SCFD2: variants seen among roughly 807,000 people sequenced by gnomAD.
SCFD2 encodes sec1 family domain containing 2, also known as sec1 family domain-containing protein 2.
SCFD2 carries 54 observed loss-of-function variants against 58.9 expected under a neutral mutation model. That is an observed-to-expected ratio of 0.92 (90% CI 0.74 to 1.15). The LOEUF is 1.15. Among genes scored for constraint, SCFD2 ranks in the 50% most tolerant of loss-of-function variants. SCFD2 has a pLI of 0.00. For missense variants in SCFD2, 805 were observed against 836.6 expected (o/e 0.96, Z 0.47); for synonymous variants, 321 against 335.9 (o/e 0.96, Z 0.49).
intron 5 of SCFD2, among the ~76,000 whole-genome samples, chr4:52,988,793 A>G (rs1424459594): frequency 6.6e-6 from 1 of 152,194 alleles, no homozygotes; most frequent in African/African-American, 2.4e-5. Context: ...CAACCACTCT[A>G]GCAAGCTTTT....
chr4:53,090,059 T>A (rs1288605644), intron 5 of SCFD2, among the ~76,000 whole-genome samples: 1 of 152,212 alleles, frequency 6.6e-6, no homozygotes, highest in Non-Finnish European at 1.5e-5. Flanking sequence ...AAGCACTGCA[T>A]AGTTTTGCAA....
chr4:53,085,140 A>G (rs773591006), intron 5 of SCFD2, among the ~76,000 whole-genome samples: 11 of 152,238 alleles, frequency 7.2e-5, no homozygotes, highest in Admixed American at 3.9e-4. Flanking sequence ...GGAAAAAACC[A>G]AAGACTCCAC....
chr4:52,950,391 C>T (rs769521168), intron 5 of SCFD2: 8 of 152,198 alleles, frequency 5.3e-5, no homozygotes, highest in Non-Finnish European at 1.2e-4. Context: ...AGTAAATGTT[C>T]TACATTCCTG....
At position 52,873,723 on chromosome 4, in the gene SCFD2, T is replaced by C. The variant is rs1718402869; in HGVS notation, c.*246A>G. The C allele has an allele frequency of 1.2e-5, 4 of 328,086 alleles. No individual in the cohort carries two copies. The highest frequency in any genetic ancestry group is 4.2e-5 in the Admixed American group (1 of 23,548). The allele number at this position is 328,086 out of a possible 1,614,324, so 20.3% of individuals were successfully genotyped here. A position where few individuals can be genotyped will look rare whatever the true frequency, so the allele number is the denominator to read the frequency against. The stretch of plus-strand genomic sequence containing the variant: ...AAGGATAAATGGAAACGATCACTAA[T>C]TGGACTCGCCAAAAGACAGACTGTC... On this transcript the variant is annotated 3_prime_UTR_variant, in exon 9 of 9. Coordinates refer to ENST00000401642, the MANE Select transcript of SCFD2 (RefSeq NM_152540.4).
At chr4:52,914,900 C>T (rs1443733826) in intron 6 of SCFD2, among the ~76,000 whole-genome samples, 1 of 152,016 alleles carries the variant, frequency 6.6e-6, no homozygotes, top group Non-Finnish European at 1.5e-5. Context: ...AAAGAGACCC[C>T]TTGATGGCTG....
chr4:53,221,776 A>G (rs971382579), intron 4 of SCFD2, among the ~76,000 whole-genome samples: 1 of 152,236 alleles, frequency 6.6e-6, no homozygotes, highest in Admixed American at 6.5e-5. Flanking sequence ...CAAGGTTAAT[A>G]TTGCTGGAAG....
intron 4 of SCFD2, among the ~76,000 whole-genome samples, chr4:53,214,483 G>A (rs895416437): frequency 9.9e-5 from 15 of 151,988 alleles, no homozygotes; most frequent in African/African-American, 3.6e-4. Context: ...CATATCCTTG[G>A]CCCACTTTTT....
At chr4:53,070,475 G>A (rs1245065955) in intron 5 of SCFD2, among the ~76,000 whole-genome samples, 3 of 151,916 alleles carry the variant, frequency 2.0e-5, no homozygotes, top group Non-Finnish European at 4.4e-5. Flanking sequence ...AAATGATGAA[G>A]GAAAAGGGTA....
chr4:52,907,708 ATGTGTGTG>A (rs10557430), intron 6 of SCFD2, 117 bp from the exon 7 acceptor site: 373 of 684,878 alleles, frequency 5.4e-4, no homozygotes, highest in African/African-American at 3.5e-3. Context: ...CAATGCCTAT[ATGTGTGTG>A]TGTGTGTGTG....
intron 5 of SCFD2, among the ~76,000 whole-genome samples, chr4:53,110,563 C>A (rs1725139945): frequency 6.6e-6 from 1 of 151,536 alleles, no homozygotes; most frequent in Non-Finnish European, 1.5e-5. Flanking sequence ...ACAAACAACC[C>A]CATCAAAAAG....
chr4:53,053,222 C>CA (rs1277787453), intron 5 of SCFD2, among the ~76,000 whole-genome samples: 4,763 of 77,186 alleles, frequency 0.062, 101 homozygotes, highest in African/African-American at 0.11. Flanking sequence ...GACACCGTCT[C>CA]AAAAAAAAAA....
chr4:53,177,694 C>A (rs1345674846), intron 4 of SCFD2, among the ~76,000 whole-genome samples: 1 of 152,086 alleles, frequency 6.6e-6, no homozygotes, highest in Non-Finnish European at 1.5e-5. Context: ...GCACCGTGTG[C>A]GAGCCAAGGC....
chr4:53,147,113 A>C (rs1303848708), intron 4 of SCFD2, among the ~76,000 whole-genome samples: 1 of 152,238 alleles, frequency 6.6e-6, no homozygotes, highest in Non-Finnish European at 1.5e-5. Context: ...TGATTGTGCC[A>C]GTGCACTCTA....
chr4:53,075,389 G>C (rs919229082), intron 5 of SCFD2, among the ~76,000 whole-genome samples: 2 of 152,148 alleles, frequency 1.3e-5, no homozygotes, highest in African/African-American at 4.8e-5. Flanking sequence ...CTTATTGTTT[G>C]TGTGTTCACC....
At chr4:53,256,536 A>G (rs1355359565) in intron 4 of SCFD2, among the ~76,000 whole-genome samples, 1 of 152,136 alleles carries the variant, frequency 6.6e-6, no homozygotes, top group East Asian at 1.9e-4. Context: ...GGCGGCTGGG[A>G]GGTGGTTGTA....
At chr4:53,067,898 T>C (rs1723708713) in intron 5 of SCFD2, among the ~76,000 whole-genome samples, 1 of 152,010 alleles carries the variant, frequency 6.6e-6, no homozygotes, top group Admixed American at 6.6e-5. Flanking sequence ...AGGCGAGAGA[T>C]GAAGGCTGAT....
At chr4:52,943,187 C>T (rs1465535884) in intron 5 of SCFD2, among the ~76,000 whole-genome samples, 2 of 151,952 alleles carry the variant, frequency 1.3e-5, no homozygotes, top group Non-Finnish European at 2.9e-5. Context: ...TTCCAAACAT[C>T]CCATATTAAA....
At chr4:52,876,756 GAAA>G (rs761229349) in intron 8 of SCFD2, among the ~76,000 whole-genome samples, 806 of 54,342 alleles carry the variant, frequency 0.015, 6 homozygotes, top group African/African-American at 0.05. Context: ...TCTCTGTCTC[GAAA>G]AAAAAAAAAA....
At chr4:53,140,726 G>A (rs1726110995) in intron 5 of SCFD2, among the ~76,000 whole-genome samples, 1 of 152,030 alleles carries the variant, frequency 6.6e-6, no homozygotes. Context: ...GGCATAAAAC[G>A]ATATATGTAA....
Sources: allele counts gnomAD v4.1 joint callset (sites outside exome capture counted in the v4.1 genomes callset), GRCh38; gene constraint gnomAD v4.1.1; transcripts MANE v1.5; gene names NCBI Gene and HGNC (gene_info 2026-07-23, HGNC 2026-07-21).